The following ECPAS variants were observed in gnomAD, a reference collection of about 807,000 sequenced individuals.
The protein encoded by ECPAS is proteasome adapter and scaffold protein ECM29.
A neutral mutation model predicts 255.1 loss-of-function variants in ECPAS; 70 were observed. The observed-to-expected ratio is 0.27, with a 90% CI of 0.23 to 0.33. The LOEUF (loss-of-function observed/expected upper bound fraction) is 0.33. Ranked by LOEUF, ECPAS falls within the 10% of genes least tolerant of loss-of-function variation. The pLI, the probability that ECPAS is intolerant of heterozygous loss-of-function variation, is 1.00. For missense variants in ECPAS, 1,817 were observed against 2,206.4 expected (o/e 0.82, Z 3.54); for synonymous variants, 784 against 775.0 (o/e 1.01, Z -0.19).
intron 1 of ECPAS, among the ~76,000 whole-genome samples, chr9:111,478,532 C>T (rs1362453310): frequency 6.6e-6 from 1 of 151,684 alleles, no homozygotes; most frequent in Non-Finnish European, 1.5e-5. Context: ...ATCTCAAAAA[C>T]AAAATAATAA....
chr9:111,396,288 A>C (rs2131633923), intron 25 of ECPAS, among the ~76,000 whole-genome samples: 1 of 152,312 alleles, frequency 6.6e-6, no homozygotes, highest in Non-Finnish European at 1.5e-5. Context: ...TATAAAACAT[A>C]AAGTCAGAAA....
chr9:111,440,502 G>C lies in ECPAS; in HGVS notation c.409C>G (p.Pro137Ala). The change falls in exon 6 of 50, where the codon CCA (proline) becomes GCA (alanine). Residue 137 changes from proline (P) to alanine (A), a missense_variant. Pro to Ala is a conservative substitution (Grantham distance 27, BLOSUM62 -1). Around this residue, in one of 4 missense-constraint regions of ECPAS, gnomAD observed 573 missense variants for 716.2 expected, o/e 0.80. Coordinates refer to ENST00000684092, the MANE Select transcript of ECPAS (RefSeq NM_001364929.1). ...GGGTATTTCATGTGAAAAAGGGTTG[G>C]TATTAAAAGATGCATTAAGCTGAAA... Reference protein sequence around the residue: ...QQDSLMHLLIPTLFHMKYPVE... With the variant: ...QQDSLMHLLIATLFHMKYPVE... 1.9e-6 allele frequency: 3 copies of C among 1,603,928 alleles called. No homozygotes were observed. The highest frequency in any genetic ancestry group is 2.6e-6 in the Non-Finnish European group (3 of 1,174,484).
chr9:111,362,183 A>AC lies in ECPAS; in HGVS notation c.5381-15_5381-14insG. 1 of 1,548,658 alleles carries AC rather than the reference A, an allele frequency of 6.5e-7. No homozygotes were observed. Among genetic ancestry groups the AC allele is most frequent in the South Asian group, 1.2e-5 (1 of 82,252 alleles). ...ACTGTTTAGATTCTGCATGAAAAAA[A>AC]AAAAACAAAAACAAAAAAAACAAAA... On this transcript the variant is annotated splice_polypyrimidine_tract_variant and intron_variant, in intron 49 of 49. Transcript: ENST00000684092.
chr9:111,433,161 C>T, intron 8 of ECPAS, 72 bp downstream of exon 8: 1 of 1,537,976 alleles, frequency 6.5e-7, no homozygotes, highest in Non-Finnish European at 8.9e-7. Context: ...AATCCTTAAA[C>T]AAAAAATGTG....
intron 45 of ECPAS, among the ~76,000 whole-genome samples, chr9:111,370,061 A>G (rs1170735690): frequency 6.6e-6 from 1 of 152,248 alleles, no homozygotes; most frequent in Non-Finnish European, 1.5e-5. Context: ...CTATAAGTCA[A>G]AGTGCCATCT....
At chr9:111,483,846 T>G (rs2098310958) in intron 1 of ECPAS, 1 of 324,106 alleles carries the variant, frequency 3.1e-6, no homozygotes, top group Non-Finnish European at 4.4e-6. Context: ...GCGCGGCGGC[T>G]CTGCGACTCC....
rs3031129 is a variant in ECPAS at position 111,434,896 on chromosome 9, CTT to C, written c.709-1526_709-1525del. ...TACAGGCATGAGCCACCACATCTGG[CTT>C]TTTTTTTTTTTTTTTTTTTACACAG... On this transcript the variant is annotated intron_variant, in intron 7 of 49. Coordinates refer to ENST00000684092, the MANE Select transcript of ECPAS (RefSeq NM_001364929.1). 2.3e-3 allele frequency among the ~76,000 whole-genome samples: 215 copies of C among 92,138 alleles called. 1 individual carries two copies. The highest frequency in any genetic ancestry group is 0.011 in the East Asian group (36 of 3,350). 60.4% of individuals were successfully genotyped at this position (92,138 alleles called of 152,430 possible).
Position 111,370,294 on chromosome 9 carries a change from A to G in ECPAS, c.4974+141T>C, listed in dbSNP as rs2098125755. The G allele has an allele frequency of 1.0e-5, 6 of 601,646 alleles. No individual in the cohort carries two copies. In the South Asian group the frequency reaches 1.4e-4, roughly 14 times the overall value. 37.3% of individuals were successfully genotyped at this position (601,646 alleles called of 1,614,324 possible). On this transcript the variant is annotated intron_variant, in intron 45 of 49. Transcript: ENST00000684092. ...CTTTGTGAGAAACATAGCATTGACT[A>G]TCTTGTTTAAGGCCGTATTTTGGAA...
intron 24 of ECPAS, among the ~76,000 whole-genome samples, chr9:111,397,542 G>A (rs974967290): frequency 6.6e-6 from 1 of 152,108 alleles, no homozygotes; most frequent in Non-Finnish European, 1.5e-5. Flanking sequence ...AAACTTCTAT[G>A]AGCCTCAAAA....
intron 10 of ECPAS, 35 bp from the exon 11 acceptor site, chr9:111,425,863 T>A: frequency 9.9e-7 from 1 of 1,015,004 alleles, no homozygotes; most frequent in Non-Finnish European, 1.5e-6. Flanking sequence ...CATCAATTAA[T>A]AAAAATAAGA....
intron 21 of ECPAS, 166 bp downstream of exon 21, chr9:111,411,848 A>G (rs1296868435): frequency 1.9e-5 from 11 of 567,112 alleles, no homozygotes; most frequent in Non-Finnish European, 3.2e-5. Flanking sequence ...CTGTTAAGTG[A>G]GCTGACTGAA....
chr9:111,474,153 T>C (rs1463722503), intron 1 of ECPAS, among the ~76,000 whole-genome samples: 1 of 152,210 alleles, frequency 6.6e-6, no homozygotes, highest in African/African-American at 2.4e-5. Context: ...GCAGTCTCCC[T>C]GAACAACATG....
intron 46 of ECPAS, 143 bp downstream of exon 46, chr9:111,368,892 A>G (rs1474586104): frequency 5.2e-6 from 4 of 774,212 alleles, no homozygotes; most frequent in Non-Finnish European, 7.6e-6. Flanking sequence ...CATGTAGACA[A>G]AAAACTTTCA....
At chr9:111,465,455 G>C (rs2098278349) in intron 2 of ECPAS, among the ~76,000 whole-genome samples, 1 of 152,064 alleles carries the variant, frequency 6.6e-6, no homozygotes, top group African/African-American at 2.4e-5. Context: ...CAGGAGAATT[G>C]CTTGAACCTG....
At chr9:111,402,736 T>C (rs1313745473) in intron 24 of ECPAS, among the ~76,000 whole-genome samples, 4 of 152,236 alleles carry the variant, frequency 2.6e-5, no homozygotes, top group African/African-American at 7.2e-5. Flanking sequence ...TGTTCTTTTC[T>C]TGTGATCAAA....
chr9:111,394,277 C>G lies in ECPAS; in HGVS notation c.2805G>C (p.Trp935Cys), dbSNP rs1237247352. 6.3e-7 allele frequency: 1 copy of G among 1,577,734 alleles called. No individual in the cohort carries two copies. The highest frequency in any genetic ancestry group is 8.6e-7 in the Non-Finnish European group (1 of 1,161,986). ...AGAKVNDVVP[W>C]VLDVILNKHI... is the part of the protein sequence containing the mutation. Reference sequence around the variant, plus strand: ...GTTTATTTAAAATCACATCCAACACCCATGGAACCACATCATTCACTTTGG... The same window carrying G: ...GTTTATTTAAAATCACATCCAACACGCATGGAACCACATCATTCACTTTGG... The change falls in exon 26 of 50, where the codon TGG (tryptophan) becomes TGC (cysteine). Residue 935 changes from tryptophan (W) to cysteine (C), a missense_variant. Transcript: ENST00000684092.
intron 7 of ECPAS, among the ~76,000 whole-genome samples, chr9:111,436,713 A>G (rs2098238699): frequency 6.6e-6 from 1 of 152,228 alleles, no homozygotes; most frequent in African/African-American, 2.4e-5. Context: ...TATACTTGAC[A>G]TATGTAAGCA....
Position 111,425,426 on chromosome 9 carries a change from A to G in ECPAS, c.1207T>C (p.Tyr403His), listed in dbSNP as rs371944596. ...LNGLTKLINE[Y>H]KEDPKLLSMA... ...AAAGACAAGTCACTTACCTCTTTGT[A>G]TTCATTGATTAGCTTGGTGAGGCCA... Residue 403 changes from tyrosine (Y) to histidine (H), a missense_variant, in exon 12 of 50, where the codon TAC (tyrosine) becomes CAC (histidine). Physicochemically the swap from Tyr to His is moderately conservative, Grantham distance 83 (BLOSUM62 2). Coordinates refer to ENST00000684092, the MANE Select transcript of ECPAS (RefSeq NM_001364929.1). 1.3e-5 allele frequency: 21 copies of G among 1,584,446 alleles called. No homozygotes were observed. The African/African-American group carries it at 2.7e-4, about 20-fold the overall frequency.
At chr9:111,393,625 G>C (rs900915539) in intron 27 of ECPAS, 55 bp downstream of exon 27, 2 of 1,171,770 alleles carry the variant, frequency 1.7e-6, no homozygotes, top group Non-Finnish European at 2.5e-6. Context: ...CCAGGTTTTT[G>C]AACATTTAAA....
Sources: gnomAD v4.1 joint callset for allele counts (sites outside exome capture counted in the v4.1 genomes callset) on GRCh38, gnomAD v4.1.1 for gene constraint, gnomAD v4.1.1 regional missense constraint, MANE v1.5 for transcripts, NCBI Gene and HGNC (gene_info 2026-07-23, HGNC 2026-07-21) for gene names.